Variants in TMLHE observed in about 807,000 individuals in gnomAD.
TMLHE encodes trimethyllysine hydroxylase, epsilon.
In TMLHE, 18 loss-of-function variants were observed where a neutral mutation model predicts 25.7. The observed-to-expected ratio is 0.70, with a 90% CI of 0.48 to 1.04. The LOEUF is 1.04. Among genes scored for constraint, TMLHE ranks in the 50% least tolerant of loss-of-function variants. The pLI, the probability that TMLHE is intolerant of heterozygous loss-of-function variation, is 0.00. For synonymous variants in TMLHE, 105 were observed against 97.0 expected (o/e 1.08, Z -0.49); for missense variants, 236 against 259.0 (o/e 0.91, Z 0.61).
chrX:155,547,947 A>G (rs1218845530), intron 1 of TMLHE, among the ~76,000 whole-genome samples: 1 of 111,366 alleles, frequency 9.0e-6, no homozygotes, highest in Non-Finnish European at 1.9e-5. Flanking sequence ...AGAATGGTAG[A>G]AAACAAAGTC....
chrX:155,576,666 A>G (rs1557343812), intron 1 of TMLHE, among the ~76,000 whole-genome samples: 1 of 111,885 alleles, frequency 8.9e-6, no homozygotes, highest in Non-Finnish European at 1.9e-5. Context: ...AAAGATATAG[A>G]CCAATGGAAC....
chrX:155,536,290 A>C (rs7057041), intron 2 of TMLHE, among the ~76,000 whole-genome samples: 1,943 of 111,322 alleles, frequency 0.017, 54 homozygotes, highest in African/African-American at 0.061. Context: ...TGTTTGTTGA[A>C]TAAATCAATG....
intron 1 of TMLHE, among the ~76,000 whole-genome samples, chrX:155,569,589 G>A (rs1557342770): frequency 1.8e-5 from 1 of 56,172 alleles, no homozygotes. Flanking sequence ...CAGAGAGAAA[G>A]GTTGGGTTAC....
intron 1 of TMLHE, among the ~76,000 whole-genome samples, chrX:155,554,847 C>T (rs1180753778): frequency 5.5e-5 from 6 of 109,407 alleles, no homozygotes; most frequent in African/African-American, 2.0e-4. Context: ...CCTAATGCAG[C>T]AATCCTTTGA....
chrX:155,583,892 A>T (rs1557344958), intron 1 of TMLHE, among the ~76,000 whole-genome samples: 1 of 111,235 alleles, frequency 9.0e-6, no homozygotes, highest in African/African-American at 3.3e-5. Flanking sequence ...AAAATCCCAG[A>T]CTTCATTACT....
intron 2 of TMLHE, among the ~76,000 whole-genome samples, chrX:155,528,290 AT>A (rs1557336752): frequency 2.0e-5 from 2 of 100,758 alleles, no homozygotes; most frequent in Non-Finnish European, 4.0e-5. Flanking sequence ...CTCAGTATTT[AT>A]TTTTTTCTCT....
chrX:155,547,592 C>T (rs188955826), intron 1 of TMLHE, among the ~76,000 whole-genome samples: 1 of 111,024 alleles, frequency 9.0e-6, no homozygotes, highest in Non-Finnish European at 1.9e-5. Flanking sequence ...GCATACAACA[C>T]AGTGAAAGGT....
At chrX:155,601,498 G>A (rs2067756115) in intron 1 of TMLHE, among the ~76,000 whole-genome samples, 1 of 111,246 alleles carries the variant, frequency 9.0e-6, no homozygotes, top group Non-Finnish European at 1.9e-5. Context: ...ATTTCAAGTT[G>A]ACATACATAT....
chrX:155,576,083 C>T (rs2067587441), intron 1 of TMLHE, among the ~76,000 whole-genome samples: 2 of 111,212 alleles, frequency 1.8e-5, no homozygotes, highest in African/African-American at 3.3e-5. Context: ...TTATATAATT[C>T]TATACCTAGA....
In TMLHE at chrX:155,545,126, A is replaced by T. The variant is rs782681578; in HGVS notation, c.151T>A (p.Cys51Ser). Residue 51 changes from cysteine to serine, a missense_variant, in exon 2 of 8, where the codon TGT becomes AGT. By Grantham distance (112) the Cys-to-Ser change is moderately radical. Transcript: ENST00000334398. Reference sequence around the variant, plus strand: ...TGATCTTCATGTTGCTGCCAAGCACAAGTCAGAGACTTGGAGGCTGTATGG... The same window carrying T: ...TGATCTTCATGTTGCTGCCAAGCACTAGTCAGAGACTTGGAGGCTGTATGG... ...WHHTASKSLTCAWQQHEDHFE... is the reference protein window; with the variant it reads ...WHHTASKSLTSAWQQHEDHFE... The T allele has an allele frequency of 4.1e-6, 5 of 1,209,306 alleles. No homozygotes were observed. The Admixed American group carries it at 1.1e-4, about 27-fold the overall frequency.
At chrX:155,576,494 A>G (rs782371081) in intron 1 of TMLHE, among the ~76,000 whole-genome samples, 2 of 112,098 alleles carry the variant, frequency 1.8e-5, no homozygotes, top group Non-Finnish European at 3.8e-5. Context: ...TTCTTCACAT[A>G]ATTAGAAAAA....
chrX:155,603,369 T>TGAAAGAAAGAAA (rs202078084), intron 1 of TMLHE, among the ~76,000 whole-genome samples: 1,471 of 99,270 alleles, frequency 0.015, 21 homozygotes, highest in African/African-American at 0.036. Context: ...AAAGAAAGAA[T>TGAAAGAAAGAAA]GAAAGAAAGA....
intron 1 of TMLHE, among the ~76,000 whole-genome samples, chrX:155,553,829 T>A (rs2067430637): frequency 9.0e-6 from 1 of 110,619 alleles, no homozygotes; most frequent in African/African-American, 3.3e-5. Flanking sequence ...TTTTTAGTGA[T>A]TATTCTATGA....
At chrX:155,523,201 G>A (rs1557335995) in intron 3 of TMLHE, among the ~76,000 whole-genome samples, 2 of 111,808 alleles carry the variant, frequency 1.8e-5, no homozygotes, top group African/African-American at 6.5e-5. Flanking sequence ...AAATTGTATT[G>A]CTTGTTTTTC....
intron 2 of TMLHE, among the ~76,000 whole-genome samples, chrX:155,530,205 GT>G (rs1265369821): frequency 8.9e-6 from 1 of 111,936 alleles, no homozygotes; most frequent in Non-Finnish European, 1.9e-5. Context: ...ATAAAAAACT[GT>G]GGTATATATA....
At chrX:155,549,584 G>C (rs782761395) in intron 1 of TMLHE, among the ~76,000 whole-genome samples, 1 of 110,030 alleles carries the variant, frequency 9.1e-6, no homozygotes, top group African/African-American at 3.4e-5. Flanking sequence ...ATTTGATTAT[G>C]ATATATTATC....
intron 3 of TMLHE, among the ~76,000 whole-genome samples, chrX:155,523,743 G>A (rs1557336089): frequency 8.9e-6 from 1 of 112,015 alleles, no homozygotes. Context: ...TCAATTTGGA[G>A]AAAACTGACA....
At chrX:155,550,871 G>C (rs2067410381) in intron 1 of TMLHE, among the ~76,000 whole-genome samples, 1 of 110,668 alleles carries the variant, frequency 9.0e-6, no homozygotes, top group Non-Finnish European at 1.9e-5. Context: ...TAAAAACGAG[G>C]GGAAAAGCCA....
At chrX:155,577,556 G>A (rs2067598542) in intron 1 of TMLHE, among the ~76,000 whole-genome samples, 1 of 108,238 alleles carries the variant, frequency 9.2e-6, no homozygotes, top group Non-Finnish European at 1.9e-5. Context: ...CTCCAACCTG[G>A]GCAACAAAGC....
Sources: gnomAD v4.1 joint callset for allele counts (sites outside exome capture counted in the v4.1 genomes callset) on GRCh38, gnomAD v4.1.1 for gene constraint, MANE v1.5 for transcripts, NCBI Gene and HGNC (gene_info 2026-07-23, HGNC 2026-07-21) for gene names.